The following NOVA2 variants were observed in gnomAD, a reference collection of about 807,000 sequenced individuals.
NOVA2 encodes the protein RNA-binding protein Nova-2.
In NOVA2, 9 loss-of-function variants were observed where a neutral mutation model predicts 22.5. That is an observed-to-expected ratio of 0.40 (90% confidence interval 0.24 to 0.70). The LOEUF (loss-of-function observed/expected upper bound fraction) is 0.70, where lower values mean the gene tolerates loss of function less well. Ranked by LOEUF, NOVA2 falls within the 30% of genes least tolerant of loss-of-function variation. The pLI, the probability that NOVA2 is intolerant of heterozygous loss-of-function variation, is 0.38. For missense variants in NOVA2, 383 were observed against 682.8 expected (o/e 0.56, Z 4.89); for synonymous variants, 318 against 335.2 (o/e 0.95, Z 0.56).
intron 3 of NOVA2, among the ~76,000 whole-genome samples, chr19:45,942,145 C>T (rs1226702035): frequency 6.6e-6 from 1 of 152,216 alleles, no homozygotes; most frequent in African/African-American, 2.4e-5. Context: ...TCGTTGAACT[C>T]TCTGTTGTTA....
At chr19:45,970,190 G>A (rs1275308332) in intron 1 of NOVA2, among the ~76,000 whole-genome samples, 5 of 152,112 alleles carry the variant, frequency 3.3e-5, no homozygotes, top group African/African-American at 1.2e-4. Flanking sequence ...AAGGATTAAG[G>A]AATTGATCCA....
rs919502871 is a variant in NOVA2 at position 45,937,817 on chromosome 19, G to C, written c.*2046C>G. 1 of 152,208 alleles carries C rather than the reference G, an allele frequency of 6.6e-6. No homozygotes were observed. The highest frequency in any genetic ancestry group is 1.5e-5 in the Non-Finnish European group (1 of 68,042). The allele number at this position is 152,208 out of a possible 1,614,324, so 9.4% of individuals were successfully genotyped here. On this transcript the variant is annotated 3_prime_UTR_variant, in exon 4 of 4. Transcript: ENST00000263257. ...GAAATTCAGTGCAAGGTACCTCGAA[G>C]GCTATTGCTTTCTAGGGATTTTCAC...
chr19:45,970,278 A>T (rs147192663), intron 1 of NOVA2, among the ~76,000 whole-genome samples: 1 of 152,170 alleles, frequency 6.6e-6, no homozygotes, highest in East Asian at 1.9e-4. Flanking sequence ...GATTATTATT[A>T]TTCCATCATA....
rs1424647614 is a variant in NOVA2 at position 45,937,146 on chromosome 19, T to A, written c.*2717A>T. 1 of 152,046 alleles carries A rather than the reference T, an allele frequency of 6.6e-6. No individual in the cohort carries two copies. Among genetic ancestry groups the A allele is most frequent in the East Asian group, 1.9e-4 (1 of 5,166 alleles). The allele number at this position is 152,046 out of a possible 1,614,324, so 9.4% of individuals were successfully genotyped here. A position where few individuals can be genotyped will look rare whatever the true frequency, so the allele number is the denominator to read the frequency against. The stretch of plus-strand genomic sequence containing the variant: ...TTTCAGATCACCCTGGCTGGCTGGG[T>A]AGGGGGTCCCCAAGAAATATGAATA... On this transcript the variant is annotated 3_prime_UTR_variant, in exon 4 of 4. Transcript: ENST00000263257.
intron 1 of NOVA2, among the ~76,000 whole-genome samples, chr19:45,964,723 G>A (rs551417268): frequency 4.6e-5 from 7 of 152,034 alleles, no homozygotes; most frequent in African/African-American, 1.7e-4. Context: ...ACCACTCCTA[G>A]GTAATTTTAA....
At chr19:45,942,997 C>A (rs539665757) in intron 3 of NOVA2, among the ~76,000 whole-genome samples, 2 of 151,534 alleles carry the variant, frequency 1.3e-5, no homozygotes, top group Admixed American at 6.6e-5. Flanking sequence ...GTCTGTACCC[C>A]ACAATGGAGA....
At chr19:45,960,035 T>G (rs1968072258) in intron 2 of NOVA2, among the ~76,000 whole-genome samples, 2 of 145,798 alleles carry the variant, frequency 1.4e-5, no homozygotes, top group African/African-American at 2.6e-5. Flanking sequence ...TAGGGAGAGG[T>G]GAGAGACTTT....
chr19:45,939,327 C>G lies in NOVA2; in HGVS notation c.*536G>C, dbSNP rs896052532. On this transcript the variant is annotated 3_prime_UTR_variant, in exon 4 of 4. Coordinates refer to ENST00000263257, the MANE Select transcript of NOVA2 (RefSeq NM_002516.4). ...ATTTCAGCTCAGACGCCTCTGCTAC[C>G]TCTACTCCCATGGCTTCCCTCAGAT... 6.6e-6 allele frequency: 1 copy of G among 152,438 alleles called. No individual in the cohort carries two copies. Among genetic ancestry groups the G allele is most frequent in the Non-Finnish European group, 1.5e-5 (1 of 68,232 alleles). 9.4% of individuals were successfully genotyped at this position (152,438 alleles called of 1,614,324 possible).
chr19:45,947,480 T>TC (rs1967858797), intron 3 of NOVA2, among the ~76,000 whole-genome samples: 1 of 151,274 alleles, frequency 6.6e-6, no homozygotes, highest in East Asian at 1.9e-4. Flanking sequence ...GTTTTTTTTT[T>TC]TTCTTTTTTT....
In NOVA2 at chr19:45,934,835, A is replaced by T. The variant is rs939343375; in HGVS notation, c.*5028T>A. The T allele has an allele frequency of 3.0e-5, 2 of 66,634 alleles. No homozygotes were observed. The highest frequency in any genetic ancestry group is 2.1e-4 in the Admixed American group (1 of 4,808). 4.1% of individuals were successfully genotyped at this position (66,634 alleles called of 1,614,324 possible). ...GATGTCAATCCCCAGGGTGGGGCAG[A>T]CCCTAGGGGTGAGGGATGGGGGTGG... is the stretch of plus-strand genomic sequence containing the variant. On this transcript the variant is annotated 3_prime_UTR_variant, in exon 4 of 4. Coordinates refer to ENST00000263257, the MANE Select transcript of NOVA2 (RefSeq NM_002516.4).
chr19:45,969,093 A>T (rs1422006863), intron 1 of NOVA2, among the ~76,000 whole-genome samples: 1 of 152,152 alleles, frequency 6.6e-6, no homozygotes, highest in Non-Finnish European at 1.5e-5. Flanking sequence ...CAGGAGGTGG[A>T]GGTTGCAGTG....
chr19:45,960,962 G>A, intron 2 of NOVA2, 48 bp downstream of exon 2: 1 of 1,537,520 alleles, frequency 6.5e-7, no homozygotes, highest in Non-Finnish European at 8.8e-7. Context: ...GAGGGAGAAA[G>A]GGAGGAAGGG....
In NOVA2 at chr19:45,934,030, G is replaced by C. The variant is rs1236680816; in HGVS notation, c.*5833C>G. The stretch of plus-strand genomic sequence containing the variant: ...GGATGGAAGGAATCAGTTAGAGGGG[G>C]TTGAATGGAGGCACTGGAGGCATGG... On this transcript the variant is annotated 3_prime_UTR_variant, in exon 4 of 4. Transcript: ENST00000263257. 6.6e-6 allele frequency: 1 copy of C among 152,466 alleles called. No individual in the cohort carries two copies. Among genetic ancestry groups the C allele is most frequent in the Non-Finnish European group, 1.5e-5 (1 of 68,244 alleles). 9.4% of individuals were successfully genotyped at this position (152,466 alleles called of 1,614,324 possible).
intron 3 of NOVA2, among the ~76,000 whole-genome samples, chr19:45,943,053 CTTTT>C (rs58123743): frequency 3.4e-5 from 4 of 117,592 alleles, no homozygotes; most frequent in Admixed American, 1.7e-4. Context: ...TATATGTCTA[CTTTT>C]TTTTTTTTTT....
intron 3 of NOVA2, among the ~76,000 whole-genome samples, chr19:45,952,366 A>G (rs966138533): frequency 6.6e-6 from 1 of 152,226 alleles, no homozygotes; most frequent in Non-Finnish European, 1.5e-5. Flanking sequence ...GGACGTAAGT[A>G]CTGTACGGAG....
At chr19:45,956,265 A>T (rs1487178750) in intron 2 of NOVA2, among the ~76,000 whole-genome samples, 3 of 151,602 alleles carry the variant, frequency 2.0e-5, no homozygotes, top group African/African-American at 7.3e-5. Context: ...GGGTAGGGGG[A>T]GGTGGATGCC....
chr19:45,958,994 C>T (rs904387456), intron 2 of NOVA2, among the ~76,000 whole-genome samples: 1 of 152,180 alleles, frequency 6.6e-6, no homozygotes, highest in African/African-American at 2.4e-5. Flanking sequence ...CGTCTGCTTC[C>T]CTGACTGGGA....
intron 1 of NOVA2, among the ~76,000 whole-genome samples, chr19:45,968,219 C>T (rs1968190386): frequency 6.6e-6 from 1 of 151,586 alleles, no homozygotes; most frequent in Admixed American, 6.6e-5. Flanking sequence ...TGTTTGGGGG[C>T]TGGGGAAGGG....
chr19:45,966,138 T>C (rs1267178884), intron 1 of NOVA2, among the ~76,000 whole-genome samples: 1 of 152,150 alleles, frequency 6.6e-6, no homozygotes, highest in Non-Finnish European at 1.5e-5. Flanking sequence ...AGGAGGAATG[T>C]CCTCTCACTG....
Sources: allele counts gnomAD v4.1 joint callset (sites outside exome capture counted in the v4.1 genomes callset), GRCh38; gene constraint gnomAD v4.1.1; transcripts MANE v1.5; gene names NCBI Gene and HGNC (gene_info 2026-07-23, HGNC 2026-07-21).